The following PXDNL variants were observed in gnomAD, a reference collection of about 807,000 sequenced individuals.
PXDNL encodes peroxidasin like, also known as probable oxidoreductase PXDNL.
In PXDNL, 145 loss-of-function variants were observed where a neutral mutation model predicts 150.8. The ratio of observed to expected loss-of-function variants is 0.96; its 90% CI spans 0.84 to 1.10. The LOEUF (loss-of-function observed/expected upper bound fraction) is 1.10. Among genes scored for constraint, PXDNL ranks in the 50% least tolerant of loss-of-function variants. The pLI, the probability that PXDNL is intolerant of heterozygous loss-of-function variation, is 0.00. For missense variants in PXDNL, 2,087 were observed against 1,873.9 expected (o/e 1.11, Z -2.10); for synonymous variants, 757 against 725.7 (o/e 1.04, Z -0.69).
chr8:51,753,533 C>G (rs1204517892), intron 1 of PXDNL, among the ~76,000 whole-genome samples: 1 of 152,126 alleles, frequency 6.6e-6, no homozygotes, highest in African/African-American at 2.4e-5. Flanking sequence ...TCATTCTGAT[C>G]CATAGTATCG....
chr8:51,519,865 A>G (rs886968115), intron 4 of PXDNL, among the ~76,000 whole-genome samples: 3 of 152,220 alleles, frequency 2.0e-5, no homozygotes, highest in East Asian at 1.9e-4. Flanking sequence ...TGGACCCACC[A>G]GAGAACTGAG....
At chr8:51,744,053 G>A (rs1013184650) in intron 1 of PXDNL, among the ~76,000 whole-genome samples, 90 of 46,114 alleles carry the variant, frequency 2.0e-3, no homozygotes, top group South Asian at 9.3e-3. Context: ...AAGGAAGGAA[G>A]GAAGGAAGGA....
chr8:51,399,447 A>G (rs1470446380), intron 17 of PXDNL, among the ~76,000 whole-genome samples: 1 of 152,240 alleles, frequency 6.6e-6, no homozygotes, highest in Non-Finnish European at 1.5e-5. Context: ...GGTGAACTCC[A>G]AAAACATTCC....
At chr8:51,581,094 A>G (rs1338319152) in intron 3 of PXDNL, among the ~76,000 whole-genome samples, 1 of 152,122 alleles carries the variant, frequency 6.6e-6, no homozygotes, top group Non-Finnish European at 1.5e-5. Context: ...TCAAAGAAAA[A>G]TCAGGAAATA....
At chr8:51,471,030 C>T (rs1164188319) in intron 8 of PXDNL, among the ~76,000 whole-genome samples, 1 of 142,528 alleles carries the variant, frequency 7.0e-6, no homozygotes, top group Admixed American at 7.0e-5. Flanking sequence ...AAAAAAAAAA[C>T]TGTCATCAGA....
chr8:51,691,569 T>C (rs1279562828), intron 1 of PXDNL, among the ~76,000 whole-genome samples: 1 of 151,852 alleles, frequency 6.6e-6, no homozygotes, highest in Non-Finnish European at 1.5e-5. Context: ...AGAAAGTTAA[T>C]TTAAAATGAA....
In PXDNL at chr8:51,411,562, T is replaced by G. The variant is rs549093101; in HGVS notation, c.1905-155A>C. On this transcript the variant is annotated intron_variant, in intron 15 of 22. Transcript: ENST00000356297. The stretch of plus-strand genomic sequence containing the variant: ...GAGGCTCTACAGAGGAGCTGTGGGT[T>G]CTTTTCCTATTTTGCTAACAACTTA... 5.3e-5 allele frequency among the ~76,000 whole-genome samples: 8 copies of G among 152,332 alleles called. No homozygotes were observed. The South Asian group carries it at 1.7e-3, about 32-fold the overall frequency.
intron 11 of PXDNL, among the ~76,000 whole-genome samples, chr8:51,448,426 C>T (rs1043265374): frequency 6.6e-6 from 1 of 152,226 alleles, no homozygotes; most frequent in Non-Finnish European, 1.5e-5. Context: ...CACTTGCGGC[C>T]GGGCGCGGTG....
intron 6 of PXDNL, among the ~76,000 whole-genome samples, chr8:51,482,322 G>T (rs1563431257): frequency 6.6e-6 from 1 of 152,180 alleles, no homozygotes; most frequent in Non-Finnish European, 1.5e-5. Context: ...CATTTGGAAT[G>T]ACTGTATTTA....
chr8:51,457,432 A>G, intron 9 of PXDNL, 66 bp downstream of exon 9: 4 of 1,314,796 alleles, frequency 3.0e-6, no homozygotes, highest in Non-Finnish European at 4.2e-6. Context: ...TACATACTCT[A>G]AAGCAGCAAT....
intron 1 of PXDNL, among the ~76,000 whole-genome samples, chr8:51,785,377 T>C (rs1291693136): frequency 4.6e-5 from 7 of 152,226 alleles, no homozygotes; most frequent in African/African-American, 1.7e-4. Context: ...TGCACATTAG[T>C]AATACATGTA....
rs913544869 is a variant in PXDNL at position 51,372,141 on chromosome 8, A to T, written c.3693-60T>A. ...GTCTGTGGCCTGAGAACTCAGCTGCATGTCAAACAGCCACAATGCACCAAG... is the reference window on the plus strand; with the variant it reads ...GTCTGTGGCCTGAGAACTCAGCTGCTTGTCAAACAGCCACAATGCACCAAG... On this transcript the variant is annotated intron_variant, in intron 18 of 22. Coordinates refer to ENST00000356297, the MANE Select transcript of PXDNL (RefSeq NM_144651.5). The T allele has an allele frequency of 7.9e-6, 10 of 1,264,380 alleles. No homozygotes were observed. In the African/African-American group the frequency reaches 1.2e-4, roughly 15 times the overall value. The allele number at this position is 1,264,380 out of a possible 1,614,324, so 78.3% of individuals were successfully genotyped here. A position where few individuals can be genotyped will look rare whatever the true frequency, so the allele number is the denominator to read the frequency against.
intron 1 of PXDNL, among the ~76,000 whole-genome samples, chr8:51,689,024 CG>C (rs1815933887): frequency 6.6e-6 from 1 of 152,150 alleles, no homozygotes; most frequent in African/African-American, 2.4e-5. Context: ...CATTAGGAAT[CG>C]GGAATCGGCC....
intron 7 of PXDNL, among the ~76,000 whole-genome samples, chr8:51,473,087 C>A (rs1473847792): frequency 6.6e-6 from 1 of 151,956 alleles, no homozygotes; most frequent in Non-Finnish European, 1.5e-5. Flanking sequence ...ATTAAAACTC[C>A]ATATAATTAA....
chr8:51,743,475 G>C (rs141888480), intron 1 of PXDNL, among the ~76,000 whole-genome samples: 2,145 of 152,226 alleles, frequency 0.014, 31 homozygotes, highest in Middle Eastern at 0.038. Context: ...TCTACCTCCA[G>C]GGTTCAAGCG....
At chr8:51,802,103 ATTT>A (rs796766538) in intron 1 of PXDNL, among the ~76,000 whole-genome samples, 1 of 147,504 alleles carries the variant, frequency 6.8e-6, no homozygotes, top group African/African-American at 2.5e-5. Context: ...TTTAGTTCTG[ATTT>A]TTTTTTTAAA....
At chr8:51,723,105 A>AAGAAG (rs1359493329) in intron 1 of PXDNL, among the ~76,000 whole-genome samples, 3 of 152,144 alleles carry the variant, frequency 2.0e-5, no homozygotes, top group Non-Finnish European at 4.4e-5. Flanking sequence ...AAGAAAAGAA[A>AAGAAG]AAGACACAAG....
At chr8:51,486,777 TA>T (rs1563433468) in intron 5 of PXDNL, among the ~76,000 whole-genome samples, 157 of 12,004 alleles carry the variant, frequency 0.013, 1 homozygote, top group Non-Finnish European at 0.028. Flanking sequence ...TATATATATA[TA>T]TATATATATA....
intron 8 of PXDNL, among the ~76,000 whole-genome samples, chr8:51,463,378 G>C (rs1332587362): frequency 6.6e-6 from 1 of 152,186 alleles, no homozygotes; most frequent in African/African-American, 2.4e-5. Flanking sequence ...GTCTTCAACA[G>C]ACTCATCTCA....
Sources: gnomAD v4.1 joint callset for allele counts (sites outside exome capture counted in the v4.1 genomes callset) on GRCh38, gnomAD v4.1.1 for gene constraint, MANE v1.5 for transcripts, NCBI Gene and HGNC (gene_info 2026-07-23, HGNC 2026-07-21) for gene names.